Variants in FER1L5 observed in about 807,000 individuals in gnomAD.
The protein encoded by FER1L5 is fer-1 like family member 5.
FER1L5 carries 187 observed loss-of-function variants against 279.9 expected under a neutral mutation model. That is an observed-to-expected ratio of 0.67 (90% CI 0.59 to 0.75). The LOEUF (loss-of-function observed/expected upper bound fraction) is 0.75. Among genes scored for constraint, FER1L5 ranks in the 30% least tolerant of loss-of-function variants. The probability of loss-of-function intolerance (pLI) is 0.00; values close to 1 mark genes in which losing one functional copy is unlikely to be tolerated. For synonymous variants in FER1L5, 921 were observed against 989.7 expected (o/e 0.93, Z 1.30); for missense variants, 2,091 against 2,594.4 (o/e 0.81, Z 4.21).
In FER1L5 at chr2:96,670,205, C is replaced by T. The variant is rs2076272418; in HGVS notation, c.1449C>T (p.Asp483=). The part of the protein sequence containing the change: ...ELITQIKSYQ[D]STIKDLSHEV... ...TCACCCAAATCAAGTCCTATCAAGA[C>T]TCCACGATAAAGGATCTCTCCCATG... Residue 483 remains aspartate (D), a synonymous_variant, in exon 18 of 53, where the codon GAC becomes GAT. Coordinates refer to ENST00000624922, the MANE Select transcript of FER1L5 (RefSeq NM_001293083.2). 1 of 1,551,524 alleles carries T rather than the reference C, an allele frequency of 6.4e-7. No homozygotes were observed. The highest frequency in any genetic ancestry group is 1.4e-5 in the African/African-American group (1 of 73,016).
intron 19 of FER1L5, among the ~76,000 whole-genome samples, chr2:96,677,619 A>G (rs917776519): frequency 4.6e-5 from 7 of 151,752 alleles, no homozygotes; most frequent in Non-Finnish European, 8.8e-5. Context: ...TAATCCTAGC[A>G]CTTTGGGAGG....
intron 18 of FER1L5, 60 bp downstream of exon 18, chr2:96,670,307 C>T: frequency 1.3e-6 from 2 of 1,540,588 alleles, no homozygotes; most frequent in South Asian, 1.2e-5. Context: ...CCCGGATCTA[C>T]TGTGGATCCC....
chr2:96,648,458 G>C (rs1274756396), intron 4 of FER1L5, among the ~76,000 whole-genome samples: 1 of 152,270 alleles, frequency 6.6e-6, no homozygotes, highest in African/African-American at 2.4e-5. Flanking sequence ...CTGCAGATGT[G>C]CCCTGATTGG....
intron 6 of FER1L5, among the ~76,000 whole-genome samples, chr2:96,650,681 T>C (rs753112952): frequency 6.6e-6 from 1 of 152,208 alleles, no homozygotes; most frequent in Non-Finnish European, 1.5e-5. Context: ...AGGGGACCTA[T>C]GGAAAGGTCC....
chr2:96,646,580 C>T, intron 2 of FER1L5, 127 bp downstream of exon 2: 1 of 984,304 alleles, frequency 1.0e-6, no homozygotes, highest in Non-Finnish European at 1.5e-6. Context: ...TTCCTCAAGG[C>T]TGGGCATCTT....
chr2:96,653,521 C>T, intron 7 of FER1L5, 119 bp from the exon 8 acceptor site: 2 of 781,740 alleles, frequency 2.6e-6, no homozygotes, highest in Non-Finnish European at 4.4e-6. Context: ...CTTGTAAACC[C>T]ATTGAAATGG....
Position 96,691,923 on chromosome 2 carries a change from C to A in FER1L5, c.3174C>A (p.Thr1058=). ...TCAGGGACCCCCAGAGGCAGGACACCCGGCCCCCCAACTTGCCCTTCATCT... is the reference window on the plus strand; with the variant it reads ...TCAGGGACCCCCAGAGGCAGGACACACGGCCCCCCAACTTGCCCTTCATCT... ...RQFRDPQRQD[T]RPPNLPFIYC... is the part of the protein sequence containing the mutation. Residue 1058 remains threonine (T), a synonymous_variant, in exon 30 of 53, where the codon ACC becomes ACA. Coordinates refer to ENST00000624922, the MANE Select transcript of FER1L5 (RefSeq NM_001293083.2). The surrounding 1 kb of genome is among the most constrained non-coding windows in gnomAD (Gnocchi z 6.0). 6.4e-7 allele frequency: 1 copy of A among 1,551,070 alleles called. No homozygotes were observed. Among genetic ancestry groups the A allele is most frequent in the Non-Finnish European group, 8.7e-7 (1 of 1,146,898 alleles).
At chr2:96,677,168 G>C (rs2076541564) in intron 19 of FER1L5, among the ~76,000 whole-genome samples, 1 of 152,192 alleles carries the variant, frequency 6.6e-6, no homozygotes, top group Admixed American at 6.5e-5. Context: ...TCTGGAATTG[G>C]CTTGCTAATA....
intron 2 of FER1L5, 85 bp downstream of exon 2, chr2:96,646,538 G>T (rs1014469642): frequency 1.4e-4 from 190 of 1,397,834 alleles, no homozygotes; most frequent in Non-Finnish European, 1.7e-4. Context: ...GTGCTCAGAG[G>T]TCTAGGGAGA....
Position 96,691,574 on chromosome 2 carries a change from A to G in FER1L5, c.3037A>G (p.Lys1013Glu). Reference protein sequence around the residue: ...WRRRLAPNKDKGIAPIFLLEG... With the variant: ...WRRRLAPNKDEGIAPIFLLEG... ...CCGCAGGCTGGCCCCCAACAAGGAC[A>G]AGGGCATCGCGCCCATATTCCTCCT... Residue 1013 changes from lysine to glutamate, a missense_variant, in exon 29 of 53, where the codon AAG becomes GAG. Coordinates refer to ENST00000624922, the MANE Select transcript of FER1L5 (RefSeq NM_001293083.2). The surrounding 1 kb of genome is among the most constrained non-coding windows in gnomAD (Gnocchi z 6.0). 6.5e-7 allele frequency: 1 copy of G among 1,546,400 alleles called. No homozygotes were observed. Among genetic ancestry groups the G allele is most frequent in the Admixed American group, 2.0e-5 (1 of 50,000 alleles).
chr2:96,669,378 G>T (rs1470431245), intron 17 of FER1L5, among the ~76,000 whole-genome samples: 1 of 152,174 alleles, frequency 6.6e-6, no homozygotes, highest in African/African-American at 2.4e-5. Flanking sequence ...GGAGACCATG[G>T]TAAGATTTTC....
rs764611583 is a variant in FER1L5, at chr2:96,695,819, C to A, written c.3972C>A (p.Thr1324=). The A allele has an allele frequency of 1.9e-6, 3 of 1,612,894 alleles. No individual in the cohort carries two copies. Among genetic ancestry groups the A allele is most frequent in the Admixed American group, 3.3e-5 (2 of 59,864 alleles). Residue 1324 remains threonine, a synonymous_variant, in exon 36 of 53, where the codon ACC becomes ACA. Transcript: ENST00000624922. ...VVDNWAFGQQ[T]VTGQANIDFL... ...ACAACTGGGCCTTCGGCCAGCAGAC[C>A]GTGACGGGCCAGGCCAACATCGACT...
chr2:96,659,361 C>CTTTCTTTCTTTCTTTCTTTCTTTCCTT, intron 9 of FER1L5, among the ~76,000 whole-genome samples: 1 of 66,700 alleles, frequency 1.5e-5, no homozygotes, highest in East Asian at 6.2e-4. Context: ...TTCCTTCCTT[C>CTTTCTTTCTTTCTTTCTTTCTTTCCTT]CTTCTTTCTT....
Position 96,702,481 on chromosome 2 carries a change from AT to A in FER1L5, c.5255+81del. On this transcript the variant is annotated intron_variant, in intron 47 of 52. Coordinates refer to ENST00000624922, the MANE Select transcript of FER1L5 (RefSeq NM_001293083.2). This position sits in a 1 kb window ranked among gnomAD's most constrained non-coding sequence, Gnocchi z 4.0. ...TCCTGCTGGCACGGCCCAGTCCTGA[AT>A]GGGACACCTCTCCATCCAGCTCTGC... 1 of 1,554,630 alleles carries A rather than the reference AT, an allele frequency of 6.4e-7. No individual in the cohort carries two copies.
chr2:96,701,327 C>G (rs1054540695), intron 45 of FER1L5, among the ~76,000 whole-genome samples: 9 of 152,150 alleles, frequency 5.9e-5, no homozygotes, highest in African/African-American at 2.2e-4. Context: ...AATAAAAAAC[C>G]ATTCCCATTA....
chr2:96,703,678 G>GT lies in FER1L5; in HGVS notation c.5801+47dup, dbSNP rs1162944731. On this transcript the variant is annotated intron_variant, in intron 51 of 52. Coordinates refer to ENST00000624922, the MANE Select transcript of FER1L5 (RefSeq NM_001293083.2). Reference sequence around the variant, plus strand: ...AGCACCAGATCTTTCTTGCTCCTCAGTGTGTATGGGGTGGTGACCAGTGGG... The same window carrying GT: ...AGCACCAGATCTTTCTTGCTCCTCAGTTGTGTATGGGGTGGTGACCAGTGGG... The GT allele has an allele frequency of 3.8e-6, 6 of 1,573,094 alleles. No individual in the cohort carries two copies. The Admixed American group carries it at 6.7e-5, about 18-fold the overall frequency.
chr2:96,692,844 G>T (rs1352679852), intron 31 of FER1L5, among the ~76,000 whole-genome samples: 2 of 152,112 alleles, frequency 1.3e-5, no homozygotes, highest in Non-Finnish European at 1.5e-5. Context: ...AGGCCCATGT[G>T]ACGCTCCCTG....
chr2:96,672,156 AC>A (rs2076350895), intron 18 of FER1L5, among the ~76,000 whole-genome samples: 1 of 152,144 alleles, frequency 6.6e-6, no homozygotes, highest in South Asian at 2.1e-4. Flanking sequence ...TCAGCTCACC[AC>A]AACCTCCACC....
intron 9 of FER1L5, among the ~76,000 whole-genome samples, chr2:96,657,169 G>A (rs998718696): frequency 3.3e-5 from 5 of 151,514 alleles, no homozygotes; most frequent in African/African-American, 1.2e-4. Flanking sequence ...TGCCTCCCAG[G>A]TTCAAGCAAT....
Sources: allele counts gnomAD v4.1 joint callset (sites outside exome capture counted in the v4.1 genomes callset), GRCh38; gene constraint gnomAD v4.1.1; non-coding constraint Gnocchi (gnomAD v3.1); transcripts MANE v1.5; gene names NCBI Gene and HGNC (gene_info 2026-07-23, HGNC 2026-07-21).